The following NLRP2 variants were observed in gnomAD, a reference collection of about 807,000 sequenced individuals.
NLRP2 encodes the protein NACHT, LRR and PYD domains-containing protein 2.
Under a neutral mutation model 97.2 loss-of-function variants are expected in NLRP2, and 107 were observed. The observed-to-expected ratio is 1.10, with a 90% CI of 0.94 to 1.29. The LOEUF is 1.29. Ranked by LOEUF, NLRP2 falls within the 50% of genes most tolerant of loss-of-function variation. The pLI is 0.00. For missense variants in NLRP2, 1,495 were observed against 1,330.3 expected (o/e 1.12, Z -1.93); for synonymous variants, 663 against 551.5 (o/e 1.20, Z -2.83).
intron 12 of NLRP2, 41 bp from the exon 13 acceptor site, chr19:55,000,716 CCTT>C: frequency 6.3e-7 from 1 of 1,594,212 alleles, no homozygotes; most frequent in African/African-American, 1.6e-5. Context: ...AAACAAATCT[CCTT>C]GATGCACAAA....
intron 5 of NLRP2, 127 bp from the exon 6 acceptor site, chr19:54,982,035 C>T: frequency 2.5e-6 from 3 of 1,222,834 alleles, no homozygotes; most frequent in Non-Finnish European, 3.6e-6. Context: ...GCCTCGACCT[C>T]CCAAAGGGCT....
intron 8 of NLRP2, among the ~76,000 whole-genome samples, chr19:54,987,311 A>G (rs1357730713): frequency 6.6e-6 from 1 of 152,136 alleles, no homozygotes; most frequent in African/African-American, 2.4e-5. Flanking sequence ...AGGAACATCA[A>G]GTTGCCCCTT....
At chr19:54,985,693 A>AAAAAAG (rs1362801649) in intron 7 of NLRP2, among the ~76,000 whole-genome samples, 76 of 142,194 alleles carry the variant, frequency 5.3e-4, no homozygotes, top group African/African-American at 2.0e-3. Flanking sequence ...AAAAAAAAAA[A>AAAAAAG]AAAAAGAAAA....
At position 54,983,504 on chromosome 19, in the gene NLRP2, G is replaced by C; in HGVS notation, c.1806G>C (p.Leu602=). Residue 602 remains leucine (L), a synonymous_variant, in exon 6 of 13, where the codon CTG becomes CTC. Transcript: ENST00000448584. ...CKGGHSTVTD[L]QELLGCLYES... ...GTGGACATTCAACGGTGACAGACCT[G>C]CAGGAGCTCCTCGGCTGTCTGTACG... 6.2e-7 allele frequency: 1 copy of C among 1,614,208 alleles called. No individual in the cohort carries two copies. The highest frequency in any genetic ancestry group is 8.5e-7 in the Non-Finnish European group (1 of 1,180,042).
In NLRP2 at chr19:54,986,339, C is replaced by T. The variant is rs532955207; in HGVS notation, c.2366+24C>T. ...GGGTATATCTCTTAATCATTAAAAT[C>T]CTTCATCATACAAACATAAGCTACC... On this transcript the variant is annotated intron_variant, in intron 8 of 12. Coordinates refer to ENST00000448584, the MANE Select transcript of NLRP2 (RefSeq NM_017852.5). 13 of 1,604,718 alleles carry T rather than the reference C, an allele frequency of 8.1e-6. No individual in the cohort carries two copies. In the Admixed American group the frequency reaches 8.3e-5, roughly 10 times the overall value.
chr19:54,985,038 TC>T lies in NLRP2; in HGVS notation c.2031-6del. 1 of 1,613,924 alleles carries T rather than the reference TC, an allele frequency of 6.2e-7. No individual in the cohort carries two copies. Among genetic ancestry groups the T allele is most frequent in the Non-Finnish European group, 8.5e-7 (1 of 1,179,980 alleles). ...CATTTGGTGTAACCCTTTCTTCTCT[TC>T]CCTATAGATCCCAGGATGATCAGCA... On this transcript the variant is annotated splice_region_variant and splice_polypyrimidine_tract_variant and intron_variant, in intron 6 of 12. Transcript: ENST00000448584.
At position 54,983,958 on chromosome 19, in the gene NLRP2, C is replaced by G. The variant is rs538439482; in HGVS notation, c.2030+230C>G. On this transcript the variant is annotated intron_variant, in intron 6 of 12. Transcript: ENST00000448584. ...CTCCGCCTCCCGGGTTCAAGTGATT[C>G]TTCTGCCTCAGCCTCCTGAGTAGCT... is the stretch of plus-strand genomic sequence containing the variant. 1.4e-4 allele frequency among the ~76,000 whole-genome samples: 22 copies of G among 152,294 alleles called. No homozygotes were observed. The East Asian group carries it at 3.9e-3, about 27-fold the overall frequency.
rs373171651 is a variant in NLRP2, at chr19:54,982,595, G to A, written c.897G>A (p.Ala299=). 132 of 1,614,052 alleles carry A rather than the reference G, an allele frequency of 8.2e-5. No homozygotes were observed. The highest frequency in any genetic ancestry group is 1.0e-4 in the Non-Finnish European group (122 of 1,180,042). Residue 299 remains alanine (A), a synonymous_variant, in exon 6 of 13, where the codon GCG becomes GCA. Transcript: ENST00000448584. ...ATGAGCTGGGAGCCGCACCTGGGGC[G>A]CTGATCGAGGACATCTGCGGGGACT... ...GFDELGAAPG[A]LIEDICGDWE...
rs746200623 is a variant in NLRP2 at position 54,983,114 on chromosome 19, G to C, written c.1416G>C (p.Arg472Ser). The C allele has an allele frequency of 9.9e-6, 16 of 1,613,532 alleles. No homozygotes were observed. Among genetic ancestry groups the C allele is most frequent in the Middle Eastern group, 3.3e-4 (2 of 6,002 alleles). Residue 472 changes from arginine (R) to serine (S), a missense_variant, in exon 6 of 13, where the codon AGG (arginine) becomes AGC (serine). Transcript: ENST00000448584. ...TGCTTCACCGAGAGGATCTGGAAAGGCTCGGGGTGCAGGAGTCCGACCTCC... is the reference window on the plus strand; with the variant it reads ...TGCTTCACCGAGAGGATCTGGAAAGCCTCGGGGTGCAGGAGTCCGACCTCC... ...TSVLHREDLERLGVQESDLRL... is the reference protein window; with the variant it reads ...TSVLHREDLESLGVQESDLRL...
At chr19:54,971,640 A>G (rs2070859490) in intron 2 of NLRP2, among the ~76,000 whole-genome samples, 1 of 151,656 alleles carries the variant, frequency 6.6e-6, no homozygotes, top group Admixed American at 6.6e-5. Context: ...GTGTCTGTTC[A>G]TGTCGTTCGC....
intron 4 of NLRP2, among the ~76,000 whole-genome samples, chr19:54,981,140 G>A (rs2071543446): frequency 6.6e-6 from 1 of 152,022 alleles, no homozygotes; most frequent in Admixed American, 6.6e-5. Flanking sequence ...GTTTCCTCTT[G>A]TTTGTATGCC....
At chr19:54,981,150 C>G (rs1349424880) in intron 4 of NLRP2, among the ~76,000 whole-genome samples, 2 of 151,988 alleles carry the variant, frequency 1.3e-5, no homozygotes, top group African/African-American at 4.8e-5. Context: ...GTTTGTATGC[C>G]CTGAACCATG....
In NLRP2 at chr19:54,994,450, T is replaced by C; in HGVS notation, c.2879+11T>C. 6.2e-7 allele frequency: 1 copy of C among 1,612,208 alleles called. No individual in the cohort carries two copies. Among genetic ancestry groups the C allele is most frequent in the East Asian group, 2.2e-5 (1 of 44,888 alleles). On this transcript the variant is annotated intron_variant, in intron 11 of 12. Transcript: ENST00000448584. Reference sequence around the variant, plus strand: ...CTTGAGATGTCTGTGGTGAGTTAACTTATAAGTTCAACTTCCTATACTTAC... The same window carrying C: ...CTTGAGATGTCTGTGGTGAGTTAACCTATAAGTTCAACTTCCTATACTTAC...
rs780287120 is a variant in NLRP2, at chr19:54,970,180, G to T, written c.165G>T (p.Leu55=). The change falls in exon 2 of 13, where the codon CTG becomes CTT. Residue 55 remains leucine (L), a synonymous_variant. Transcript: ENST00000448584. ...TAGACAAGGCTGATGGGAAGCAACT[G>T]GTAGAAATCCTCACCACCCATTGTG... ...KEVDKADGKQ[L]VEILTTHCDS... is the part of the protein sequence containing the mutation. 2 of 1,614,088 alleles carry T rather than the reference G, an allele frequency of 1.2e-6. No homozygotes were observed. Among genetic ancestry groups the T allele is most frequent in the South Asian group, 2.2e-5 (2 of 91,078 alleles).
At chr19:54,975,976 T>A (rs1485911846) in intron 3 of NLRP2, among the ~76,000 whole-genome samples, 1 of 151,470 alleles carries the variant, frequency 6.6e-6, no homozygotes, top group Non-Finnish European at 1.5e-5. Context: ...GTCAAACTCC[T>A]GGTCTCAAGT....
intron 2 of NLRP2, 186 bp from the exon 3 acceptor site, chr19:54,974,314 A>G: frequency 1.6e-6 from 1 of 643,550 alleles, no homozygotes; most frequent in Non-Finnish European, 2.8e-6. Flanking sequence ...AGATTGTGCC[A>G]CTCCAGCCTG....
intron 3 of NLRP2, chr19:54,976,812 CT>C (rs530895836): frequency 0.02 from 6,607 of 324,348 alleles, no homozygotes; most frequent in Middle Eastern, 0.058. Flanking sequence ...TGTTCTCTCT[CT>C]TTTTTTTTTT....
intron 2 of NLRP2, among the ~76,000 whole-genome samples, chr19:54,972,369 G>A (rs1177058180): frequency 7.9e-5 from 12 of 151,666 alleles, no homozygotes; most frequent in Non-Finnish European, 1.6e-4. Context: ...TTTTAATAGA[G>A]ATGGGGTTTC....
At chr19:54,988,876 C>T (rs1248075146) in intron 8 of NLRP2, among the ~76,000 whole-genome samples, 1 of 151,488 alleles carries the variant, frequency 6.6e-6, no homozygotes, top group Non-Finnish European at 1.5e-5. Flanking sequence ...CACCTTGAAA[C>T]ATAGGTTAGT....
Sources: allele counts gnomAD v4.1 joint callset (sites outside exome capture counted in the v4.1 genomes callset), GRCh38; gene constraint gnomAD v4.1.1; transcripts MANE v1.5; gene names NCBI Gene and HGNC (gene_info 2026-07-23, HGNC 2026-07-21).